Variants in KATNBL1 observed in about 807,000 individuals in gnomAD.
KATNBL1 encodes katanin regulatory subunit B1 like 1.
A neutral mutation model predicts 44.7 loss-of-function variants in KATNBL1; 28 were observed. The ratio of observed to expected loss-of-function variants is 0.63; its 90% confidence interval spans 0.46 to 0.86. KATNBL1 has a LOEUF of 0.86. KATNBL1 is among the 40% of genes least tolerant of loss of function. The probability of loss-of-function intolerance (pLI) is 0.00; values close to 1 mark genes in which losing one functional copy is unlikely to be tolerated. For missense variants in KATNBL1, 272 were observed against 350.7 expected (o/e 0.78, Z 1.79); for synonymous variants, 78 against 114.9 (o/e 0.68, Z 2.06).
chr15:34,170,463 C>T (rs1487519275), intron 1 of KATNBL1, among the ~76,000 whole-genome samples: 1 of 152,186 alleles, frequency 6.6e-6, no homozygotes, highest in Non-Finnish European at 1.5e-5. Flanking sequence ...GAAGAACATT[C>T]CATGCTCATG....
At chr15:34,145,202 A>G in intron 9 of KATNBL1, 196 bp downstream of exon 9, 1 of 1,375,174 alleles carries the variant, frequency 7.3e-7, no homozygotes, top group Non-Finnish European at 9.6e-7. Context: ...AAACATGTTC[A>G]ATGGCCAATT....
At chr15:34,166,839 C>G (rs1017698354) in intron 1 of KATNBL1, among the ~76,000 whole-genome samples, 1 of 152,164 alleles carries the variant, frequency 6.6e-6, no homozygotes, top group Non-Finnish European at 1.5e-5. Context: ...TCCAACAGAC[C>G]TGCAGCTGAG....
At chr15:34,193,943 T>G (rs1793546470) in intron 1 of KATNBL1, among the ~76,000 whole-genome samples, 1 of 150,794 alleles carries the variant, frequency 6.6e-6, no homozygotes, top group Non-Finnish European at 1.5e-5. Flanking sequence ...TTTTTCTTTG[T>G]CGTTTTTTAT....
At chr15:34,179,980 G>T (rs1337759341) in intron 1 of KATNBL1, among the ~76,000 whole-genome samples, 1 of 152,176 alleles carries the variant, frequency 6.6e-6, no homozygotes, top group Non-Finnish European at 1.5e-5. Flanking sequence ...TTCATAAGAA[G>T]AATCTATTTT....
rs757849702 is a variant in KATNBL1, at chr15:34,146,786, A to T, written c.763T>A (p.Ser255Thr). ...CCATCATTTATAATTTCTGTTTTGG[A>T]TGATAGTTCTGACCACCACCTTTTA... ...VIKRWWSELSSKTEIINDGNI... is the reference protein window; with the variant it reads ...VIKRWWSELSTKTEIINDGNI... The change falls in exon 8 of 10, where the codon TCC (serine) becomes ACC (threonine). Residue 255 changes from serine to threonine, a missense_variant. Transcript: ENST00000256544. 6.2e-7 allele frequency: 1 copy of T among 1,604,700 alleles called. No individual in the cohort carries two copies. The highest frequency in any genetic ancestry group is 8.5e-7 in the Non-Finnish European group (1 of 1,171,574).
Position 34,154,489 on chromosome 15 carries a change from T to C in KATNBL1, c.158+155A>G, listed in dbSNP as rs182562190. On this transcript the variant is annotated intron_variant, in intron 3 of 9. Coordinates refer to ENST00000256544, the MANE Select transcript of KATNBL1 (RefSeq NM_024713.3). ...ACTGTTGTAAGGAGCAGAGACAATA[T>C]TGATGTGTTTATTAGTGCAGATACT... 5.9e-5 allele frequency among the ~76,000 whole-genome samples: 9 copies of C among 152,262 alleles called. No homozygotes were observed. In the East Asian group the frequency reaches 1.5e-3, roughly 26 times the overall value.
At chr15:34,146,262 T>C (rs1318069120) in intron 8 of KATNBL1, 1 of 152,362 alleles carries the variant, frequency 6.6e-6, no homozygotes, top group African/African-American at 2.4e-5. Flanking sequence ...AATTATGGAC[T>C]TTAAGGAAAC....
At chr15:34,204,025 A>G (rs1890233481) in intron 1 of KATNBL1, among the ~76,000 whole-genome samples, 1 of 132,224 alleles carries the variant, frequency 7.6e-6, no homozygotes, top group Non-Finnish European at 1.5e-5. Flanking sequence ...ACTTAATTAA[A>G]AAAAAAAAAA....
At chr15:34,154,797 G>T (rs77782763) in intron 2 of KATNBL1, 113 bp from the exon 3 acceptor site, 95,275 of 728,506 alleles carry the variant, frequency 0.13, 6,923 homozygotes, top group Non-Finnish European at 0.15. Flanking sequence ...TCTGCAGAAG[G>T]GTGCCAATCG....
At chr15:34,169,750 C>T (rs557380056) in intron 1 of KATNBL1, among the ~76,000 whole-genome samples, 10 of 152,270 alleles carry the variant, frequency 6.6e-5, no homozygotes, top group African/African-American at 1.4e-4. Context: ...ACGATCAAGT[C>T]GGCTTCATCC....
chr15:34,173,284 C>G (rs73378117), intron 1 of KATNBL1, among the ~76,000 whole-genome samples: 1,769 of 152,168 alleles, frequency 0.012, 38 homozygotes, highest in African/African-American at 0.041. Flanking sequence ...TGGATGAAAA[C>G]AGACCTACAA....
At chr15:34,172,690 G>T (rs531914032) in intron 1 of KATNBL1, among the ~76,000 whole-genome samples, 3 of 151,936 alleles carry the variant, frequency 2.0e-5, no homozygotes, top group African/African-American at 7.2e-5. Flanking sequence ...GAGTACAGAG[G>T]ATACTTTCTT....
intron 1 of KATNBL1, among the ~76,000 whole-genome samples, chr15:34,200,416 C>T (rs903493019): frequency 1.5e-4 from 16 of 109,046 alleles, no homozygotes; most frequent in African/African-American, 4.5e-4. Flanking sequence ...CCACGCCCAG[C>T]TAATTGTTTT....
chr15:34,146,471 C>T, intron 8 of KATNBL1: 1 of 251,448 alleles, frequency 4.0e-6, no homozygotes, highest in Non-Finnish European at 7.6e-6. Flanking sequence ...TCTCTTTTTC[C>T]TCCCTTACTC....
At chr15:34,195,549 A>G (rs1039493909) in intron 1 of KATNBL1, among the ~76,000 whole-genome samples, 1 of 152,114 alleles carries the variant, frequency 6.6e-6, no homozygotes, top group Non-Finnish European at 1.5e-5. Context: ...TCAATGTAGC[A>G]AAATTGCACT....
chr15:34,194,202 A>C (rs1010956615), intron 1 of KATNBL1, among the ~76,000 whole-genome samples: 7 of 152,146 alleles, frequency 4.6e-5, no homozygotes, highest in African/African-American at 9.7e-5. Flanking sequence ...GGGCTCACAA[A>C]GTGGTGGGAT....
intron 2 of KATNBL1, among the ~76,000 whole-genome samples, chr15:34,155,779 C>A (rs139025829): frequency 2.1e-4 from 32 of 152,230 alleles, no homozygotes; most frequent in Admixed American, 5.9e-4. Flanking sequence ...GTTAATAAAC[C>A]GCTGTTGGTT....
chr15:34,209,233 C>G (rs1485269540), intron 1 of KATNBL1: 1 of 152,184 alleles, frequency 6.6e-6, no homozygotes, highest in Non-Finnish European at 1.5e-5. Flanking sequence ...ATAATTCTCG[C>G]AAGTGCTGAA....
At chr15:34,196,659 C>G (rs1014160371) in intron 1 of KATNBL1, among the ~76,000 whole-genome samples, 15 of 151,900 alleles carry the variant, frequency 9.9e-5, no homozygotes, top group African/African-American at 3.1e-4. Context: ...ACCCAGGAAG[C>G]AGAGGCTGCA....
Sources: allele counts gnomAD v4.1 joint callset (sites outside exome capture counted in the v4.1 genomes callset), GRCh38; gene constraint gnomAD v4.1.1; transcripts MANE v1.5; gene names NCBI Gene and HGNC (gene_info 2026-07-23, HGNC 2026-07-21).